DPP10: variants seen among roughly 807,000 people sequenced by gnomAD.
DPP10 encodes the protein inactive dipeptidyl peptidase 10.
In DPP10, 33 loss-of-function variants were observed where a neutral mutation model predicts 120.9. The observed-to-expected ratio is 0.27, with a 90% confidence interval of 0.21 to 0.37. The LOEUF (loss-of-function observed/expected upper bound fraction) is 0.37, where lower values mean the gene tolerates loss of function less well. Ranked by LOEUF, DPP10 falls within the 10% of genes least tolerant of loss-of-function variation. The probability of loss-of-function intolerance (pLI) is 1.00; values close to 1 mark genes in which losing one functional copy is unlikely to be tolerated. For synonymous variants in DPP10, 337 were observed against 326.1 expected, an observed-to-expected ratio of 1.03 and a Z score of -0.36; for missense variants, 816 against 942.8, an observed-to-expected ratio of 0.87 and a Z score of 1.76.
At position 114,530,167 on chromosome 2, in the gene DPP10, A is replaced by G. The variant is rs372310455; in HGVS notation, c.60+87329A>G. Among the ~76,000 whole-genome samples the G allele has an allele frequency of 1.2e-4, 18 of 152,282 alleles. No homozygotes were observed. The East Asian group carries it at 2.5e-3, about 21-fold the overall frequency. ...ACACCTTATATCTTTGCTCCAAAGCATTTATGATGGAGTATAATTACATAG... is the reference window on the plus strand; with the variant it reads ...ACACCTTATATCTTTGCTCCAAAGCGTTTATGATGGAGTATAATTACATAG... On this transcript the variant is annotated intron_variant, in intron 1 of 25. Transcript: ENST00000410059.
At chr2:114,606,407 T>G (rs959932327) in intron 1 of DPP10, among the ~76,000 whole-genome samples, 2 of 152,146 alleles carry the variant, frequency 1.3e-5, no homozygotes, top group African/African-American at 4.8e-5. Flanking sequence ...TCATGCTGCT[T>G]GTATTTCAGT....
chr2:114,482,421 A>G (rs971833297), intron 1 of DPP10, among the ~76,000 whole-genome samples: 1 of 152,182 alleles, frequency 6.6e-6, no homozygotes, highest in Non-Finnish European at 1.5e-5. Context: ...AATAACAATT[A>G]TGAGAATCAA....
intron 1 of DPP10, among the ~76,000 whole-genome samples, chr2:114,775,004 G>T (rs1177383056): frequency 3.9e-5 from 6 of 151,960 alleles, no homozygotes; most frequent in African/African-American, 1.2e-4. Context: ...GATAGATCAA[G>T]TGACTTATCT....
At chr2:114,998,653 G>T (rs758587534) in intron 1 of DPP10, among the ~76,000 whole-genome samples, 1 of 152,004 alleles carries the variant, frequency 6.6e-6, no homozygotes, top group African/African-American at 2.4e-5. Context: ...GAGTAATTTG[G>T]GCAGAATAAA....
At chr2:115,456,748 G>A (rs2073579395) in intron 3 of DPP10, among the ~76,000 whole-genome samples, 1 of 152,056 alleles carries the variant, frequency 6.6e-6, no homozygotes, top group Non-Finnish European at 1.5e-5. Flanking sequence ...CTCATAAGTG[G>A]GAGCTAAACA....
At chr2:114,559,225 G>A (rs1009882179) in intron 1 of DPP10, among the ~76,000 whole-genome samples, 9 of 152,164 alleles carry the variant, frequency 5.9e-5, no homozygotes, top group Non-Finnish European at 8.8e-5. Context: ...GAAATGGGGG[G>A]ATTATCCTGG....
intron 3 of DPP10, chr2:115,468,957 CTT>C (rs55673607): frequency 0.054 from 9,816 of 182,388 alleles, 18 homozygotes; most frequent in South Asian, 0.11. Flanking sequence ...TTCATAGATA[CTT>C]TTTTTTTTTT....
chr2:114,593,545 TCTA>T (rs1691633417), intron 1 of DPP10, among the ~76,000 whole-genome samples: 1 of 152,204 alleles, frequency 6.6e-6, no homozygotes. Flanking sequence ...TCATTCTGTC[TCTA>T]CTTTCTAATA....
chr2:114,444,578 GA>G (rs5833544), intron 1 of DPP10, among the ~76,000 whole-genome samples: 6 of 151,536 alleles, frequency 4.0e-5, no homozygotes, highest in East Asian at 3.9e-4. Flanking sequence ...CTGTGGAACA[GA>G]AAAAAAAATG....
intron 1 of DPP10, among the ~76,000 whole-genome samples, chr2:115,196,232 AGAGTTC>A (rs1199483873): frequency 6.6e-6 from 1 of 152,186 alleles, no homozygotes; most frequent in African/African-American, 2.4e-5. Flanking sequence ...CAGAAGAATT[AGAGTTC>A]AACTTACGTG....
At chr2:115,427,639 C>G (rs2070602320) in intron 3 of DPP10, among the ~76,000 whole-genome samples, 1 of 152,142 alleles carries the variant, frequency 6.6e-6, no homozygotes, top group Non-Finnish European at 1.5e-5. Flanking sequence ...CATTCAGTCC[C>G]CCTGGGCCTC....
At chr2:114,463,868 G>C (rs1480487308) in intron 1 of DPP10, among the ~76,000 whole-genome samples, 1 of 152,126 alleles carries the variant, frequency 6.6e-6, no homozygotes, top group East Asian at 1.9e-4. Context: ...GCCTTTTCCA[G>C]AATGTCGTGT....
At chr2:114,713,274 C>T (rs902593029) in intron 1 of DPP10, among the ~76,000 whole-genome samples, 2 of 152,132 alleles carry the variant, frequency 1.3e-5, no homozygotes, top group Non-Finnish European at 2.9e-5. Context: ...AGGCGTGAGC[C>T]ACCGTACCCC....
At chr2:114,511,499 A>G (rs953131572) in intron 1 of DPP10, among the ~76,000 whole-genome samples, 3 of 152,204 alleles carry the variant, frequency 2.0e-5, no homozygotes, top group Admixed American at 6.5e-5. Flanking sequence ...CTATTTTTGA[A>G]CACCATCCTC....
chr2:115,523,392 C>T (rs2077932609), intron 4 of DPP10, among the ~76,000 whole-genome samples: 1 of 64,480 alleles, frequency 1.6e-5, no homozygotes, highest in Non-Finnish European at 2.8e-5. Context: ...GTCAGAGAAG[C>T]TCTCAAAAAA....
intron 3 of DPP10, among the ~76,000 whole-genome samples, chr2:115,395,856 G>T (rs1020660795): frequency 6.6e-6 from 1 of 151,708 alleles, no homozygotes; most frequent in Non-Finnish European, 1.5e-5. Context: ...TATTTATTTT[G>T]TATCTTCATA....
chr2:115,555,530 G>A (rs913188611), intron 5 of DPP10, among the ~76,000 whole-genome samples: 3 of 152,008 alleles, frequency 2.0e-5, no homozygotes, highest in Non-Finnish European at 4.4e-5. Context: ...TTTATTTCCC[G>A]TAACGAGGGT....
intron 17 of DPP10, among the ~76,000 whole-genome samples, chr2:115,787,657 A>G (rs1465497547): frequency 6.6e-6 from 1 of 152,164 alleles, no homozygotes; most frequent in Non-Finnish European, 1.5e-5. Flanking sequence ...ACTTGCAAAA[A>G]ATATTTGATG....
chr2:115,257,052 C>A (rs761289221), intron 1 of DPP10, among the ~76,000 whole-genome samples: 1 of 152,206 alleles, frequency 6.6e-6, no homozygotes, highest in Non-Finnish European at 1.5e-5. Flanking sequence ...TGCCTTACTT[C>A]CATCTGAGAC....
Sources: gnomAD v4.1 joint callset for allele counts (sites outside exome capture counted in the v4.1 genomes callset) on GRCh38, gnomAD v4.1.1 for gene constraint, MANE v1.5 for transcripts, NCBI Gene and HGNC (gene_info 2026-07-23, HGNC 2026-07-21) for gene names.